HOATZ: variants seen among roughly 807,000 people sequenced by gnomAD.
HOATZ encodes the protein cilia- and flagella-associated protein HOATZ.
HOATZ carries 26 observed loss-of-function variants against 24.9 expected under a neutral mutation model. The observed-to-expected ratio is 1.04, with a 90% CI of 0.76 to 1.45. The LOEUF is 1.45. Ranked by LOEUF, HOATZ falls within the 40% of genes most tolerant of loss-of-function variation. The pLI is 0.00. For synonymous variants in HOATZ, 83 were observed against 76.6 expected (o/e 1.08, Z -0.43); for missense variants, 226 against 201.5 (o/e 1.12, Z -0.74).
At chr11:111,519,679 T>A (rs958658561) in intron 3 of HOATZ, among the ~76,000 whole-genome samples, 4 of 152,316 alleles carry the variant, frequency 2.6e-5, no homozygotes, top group African/African-American at 9.6e-5. Flanking sequence ...TCTTTTTAAC[T>A]AACGAAGCAT....
At chr11:111,529,373 CT>C (rs1321551355) in intron 3 of HOATZ, among the ~76,000 whole-genome samples, 1 of 150,908 alleles carries the variant, frequency 6.6e-6, no homozygotes. Context: ...TAATCTTTTT[CT>C]TTTTTTTTAA....
chr11:111,521,344 G>A (rs933016439), intron 3 of HOATZ, among the ~76,000 whole-genome samples: 4 of 152,118 alleles, frequency 2.6e-5, no homozygotes, highest in Non-Finnish European at 5.9e-5. Flanking sequence ...TTTCAAAGTA[G>A]TGAAAGGGAT....
At chr11:111,527,984 G>A (rs1867357188) in intron 3 of HOATZ, among the ~76,000 whole-genome samples, 2 of 152,172 alleles carry the variant, frequency 1.3e-5, no homozygotes, top group South Asian at 2.1e-4. Context: ...AAATTCCCTA[G>A]TACACCTATA....
At chr11:111,533,411 G>A (rs1017539540) in intron 3 of HOATZ, among the ~76,000 whole-genome samples, 1 of 152,082 alleles carries the variant, frequency 6.6e-6, no homozygotes, top group African/African-American at 2.4e-5. Flanking sequence ...AGCTCATGTG[G>A]TAAGGTCTTA....
At chr11:111,535,311 G>A (rs765409297) in intron 5 of HOATZ, 4 of 152,088 alleles carry the variant, frequency 2.6e-5, no homozygotes, top group Non-Finnish European at 5.9e-5. Flanking sequence ...CTAATTTCTC[G>A]CTTTTTAGCC....
chr11:111,526,761 A>T (rs371246035), intron 3 of HOATZ: 1 of 152,220 alleles, frequency 6.6e-6, no homozygotes, highest in South Asian at 2.1e-4. Context: ...GTTTGAGGTC[A>T]TCTGTGTGGG....
At chr11:111,520,708 A>G (rs1211664708) in intron 3 of HOATZ, among the ~76,000 whole-genome samples, 1 of 152,200 alleles carries the variant, frequency 6.6e-6, no homozygotes, top group Admixed American at 6.5e-5. Flanking sequence ...ATAATTCACA[A>G]GTTTTAAATT....
intron 3 of HOATZ, among the ~76,000 whole-genome samples, chr11:111,533,388 AAGCTGTTAG>A (rs1157770522): frequency 2.0e-5 from 3 of 152,254 alleles, no homozygotes; most frequent in African/African-American, 7.2e-5. Flanking sequence ...AATGTCTATA[AAGCTGTTAG>A]CATAGCTCAT....
At chr11:111,536,711 A>G (rs1386097701) in intron 5 of HOATZ, 59 bp from the exon 6 acceptor site, 9 of 1,345,210 alleles carry the variant, frequency 6.7e-6, no homozygotes, top group South Asian at 5.9e-5. Context: ...TTCATGCTAC[A>G]TCATGTTCAC....
chr11:111,520,723 G>A (rs1029998175), intron 3 of HOATZ, among the ~76,000 whole-genome samples: 3 of 152,164 alleles, frequency 2.0e-5, no homozygotes, highest in African/African-American at 7.2e-5. Context: ...TAAATTGCTT[G>A]CCATTCCAAG....
At chr11:111,528,808 C>G (rs116927438) in intron 3 of HOATZ, among the ~76,000 whole-genome samples, 3,659 of 151,292 alleles carry the variant, frequency 0.024, 82 homozygotes, top group Middle Eastern at 0.085. Context: ...TTCTGTCACT[C>G]TGTGTGTGTG....
intron 5 of HOATZ, chr11:111,534,679 T>C (rs1157639473): frequency 5.5e-6 from 3 of 540,956 alleles, no homozygotes; most frequent in Non-Finnish European, 6.7e-6. Flanking sequence ...CATAAGTTAG[T>C]GCAAAATGGA....
At chr11:111,518,401 C>T (rs1275210788) in intron 3 of HOATZ, among the ~76,000 whole-genome samples, 2 of 152,170 alleles carry the variant, frequency 1.3e-5, no homozygotes. Flanking sequence ...AGTGAGATAA[C>T]ATAATTTAGT....
At chr11:111,517,412 A>G (rs144808977) in intron 3 of HOATZ, among the ~76,000 whole-genome samples, 102 of 152,354 alleles carry the variant, frequency 6.7e-4, no homozygotes, top group Middle Eastern at 6.8e-3. Context: ...GCTTTTGTCA[A>G]ACAATAAGAC....
chr11:111,534,576 G>A lies in HOATZ; in HGVS notation c.452+112G>A, dbSNP rs79802459. 4,995 of 806,570 alleles carry A rather than the reference G, an allele frequency of 6.2e-3. 153 individuals are homozygous for A. The African/African-American group carries it at 0.076, about 12-fold the overall frequency. The allele number at this position is 806,570 out of a possible 1,614,324, so 50.0% of individuals were successfully genotyped here. On this transcript the variant is annotated intron_variant, in intron 5 of 5. Transcript: ENST00000375618. ...CCTTAAATCTTCTAGAAACCCACCC[G>A]TGTATTACAGATTTCTTGCCTTGAA...
chr11:111,517,510 T>C (rs1477430805), intron 3 of HOATZ, among the ~76,000 whole-genome samples: 1 of 152,212 alleles, frequency 6.6e-6, no homozygotes, highest in Non-Finnish European at 1.5e-5. Context: ...TGGCTCCTTC[T>C]ATGAACTCAT....
intron 1 of HOATZ, 127 bp downstream of exon 1, chr11:111,515,137 T>G: frequency 1.5e-6 from 1 of 659,910 alleles, no homozygotes. Context: ...TACAAATGCA[T>G]GTATAAATAT....
intron 5 of HOATZ, 23 bp downstream of exon 5, chr11:111,534,487 T>G (rs1168951035): frequency 6.4e-7 from 1 of 1,564,928 alleles, no homozygotes; most frequent in Middle Eastern, 1.7e-4. Context: ...ATGTCAAAAA[T>G]ATTCTCTCAC....
intron 3 of HOATZ, among the ~76,000 whole-genome samples, chr11:111,517,665 T>G (rs1350730310): frequency 6.6e-6 from 1 of 152,164 alleles, no homozygotes; most frequent in East Asian, 1.9e-4. Flanking sequence ...CAATAATTAT[T>G]ATATATTATA....
Sources: gnomAD v4.1 joint callset for allele counts (sites outside exome capture counted in the v4.1 genomes callset) on GRCh38, gnomAD v4.1.1 for gene constraint, MANE v1.5 for transcripts, NCBI Gene and HGNC (gene_info 2026-07-23, HGNC 2026-07-21) for gene names.